Variants in RUNX1 observed in about 807,000 individuals in gnomAD.
RUNX1 encodes the protein runt-related transcription factor 1.
In RUNX1, 19 loss-of-function variants were observed where a neutral mutation model predicts 42.8. That is an observed-to-expected ratio of 0.44 (90% CI 0.31 to 0.65). The LOEUF (loss-of-function observed/expected upper bound fraction) is 0.65, where lower values mean the gene tolerates loss of function less well. Among genes scored for constraint, RUNX1 ranks in the 30% least tolerant of loss-of-function variants. The probability of loss-of-function intolerance (pLI) is 0.07; values close to 1 mark genes in which losing one functional copy is unlikely to be tolerated. For missense variants in RUNX1, 528 were observed against 672.0 expected (o/e 0.79, Z 2.37); for synonymous variants, 271 against 289.4 (o/e 0.94, Z 0.64).
In RUNX1 at chr21:34,836,873, C is replaced by A. The variant is rs560653206; in HGVS notation, c.614-2272G>T. Among the ~76,000 whole-genome samples, 4 of 152,328 alleles carry A rather than the reference C, an allele frequency of 2.6e-5. No individual in the cohort carries two copies. The East Asian group carries it at 5.8e-4, about 22-fold the overall frequency. ...CACAGCTTGGAAAAACAGCTCTTGG[C>A]AGTTGTGTCTCTCTTAGCCAGCAAG... is the stretch of plus-strand genomic sequence containing the variant. On this transcript the variant is annotated intron_variant, in intron 6 of 8. Coordinates refer to ENST00000675419, the MANE Select transcript of RUNX1 (RefSeq NM_001754.5).
At position 35,012,285 on chromosome 21, in the gene RUNX1, A is replaced by G. The variant is rs181590244; in HGVS notation, c.58+36557T>C. Among the ~76,000 whole-genome samples, 63 of 152,306 alleles carry G rather than the reference A, an allele frequency of 4.1e-4. 1 individual carries two copies. Among genetic ancestry groups the G allele is most frequent in the Admixed American group, 3.5e-3 (53 of 15,298 alleles). ...TGTTTATCAGGCCCAGCAGTCCAAAAGCCCAAATACCCACATGACCTCCTT... is the reference window on the plus strand; with the variant it reads ...TGTTTATCAGGCCCAGCAGTCCAAAGGCCCAAATACCCACATGACCTCCTT... On this transcript the variant is annotated intron_variant, in intron 2 of 8. Transcript: ENST00000675419.
At chr21:34,828,485 G>T (rs1356540006) in intron 7 of RUNX1, among the ~76,000 whole-genome samples, 4 of 152,200 alleles carry the variant, frequency 2.6e-5, no homozygotes, top group Non-Finnish European at 2.9e-5. Context: ...GTTAATGCTG[G>T]AAAGAGTTAA....
intron 2 of RUNX1, among the ~76,000 whole-genome samples, chr21:35,042,344 G>T (rs1372592239): frequency 6.6e-6 from 1 of 152,214 alleles, no homozygotes; most frequent in Non-Finnish European, 1.5e-5. Context: ...CCAAAGCCCA[G>T]CTGGCACAGA....
intron 7 of RUNX1, among the ~76,000 whole-genome samples, chr21:34,819,317 A>T (rs920286507): frequency 6.6e-6 from 1 of 152,212 alleles, no homozygotes; most frequent in African/African-American, 2.4e-5. Context: ...GAGTGTGGTC[A>T]TGACATGGCA....
rs2056407335 is a variant in RUNX1 at position 34,789,330 on chromosome 21, A to T, written c.*2805T>A. 1 of 223,034 alleles carries T rather than the reference A, an allele frequency of 4.5e-6. No homozygotes were observed. The highest frequency in any genetic ancestry group is 8.9e-6 in the Non-Finnish European group (1 of 111,866). The allele number at this position is 223,034 out of a possible 1,614,324, so 13.8% of individuals were successfully genotyped here. On this transcript the variant is annotated 3_prime_UTR_variant, in exon 9 of 9. Transcript: ENST00000675419. ...GAGGAAGAGAGAAAAAAAGGGAGATATTGGGGGGAAGAGAGGGAGGGAAAT... is the reference window on the plus strand; with the variant it reads ...GAGGAAGAGAGAAAAAAAGGGAGATTTTGGGGGGAAGAGAGGGAGGGAAAT...
chr21:34,872,441 C>T (rs886982372), intron 5 of RUNX1, among the ~76,000 whole-genome samples: 7 of 152,176 alleles, frequency 4.6e-5, no homozygotes, highest in Non-Finnish European at 7.3e-5. Flanking sequence ...GGGTCAGTGG[C>T]GCCAGGGGGA....
intron 3 of RUNX1, among the ~76,000 whole-genome samples, chr21:34,889,520 G>A (rs548658428): frequency 1.3e-5 from 2 of 152,226 alleles, no homozygotes; most frequent in South Asian, 4.1e-4. Context: ...AAAGTTGAAA[G>A]CAGCCACGCG....
intron 7 of RUNX1, among the ~76,000 whole-genome samples, chr21:34,809,240 CCTT>C (rs759457691): frequency 7.2e-5 from 11 of 151,994 alleles, no homozygotes; most frequent in East Asian, 3.9e-4. Context: ...TCCTCCATGT[CCTT>C]CTTCTCCAGG....
At chr21:34,846,972 A>T (rs1176831917) in intron 6 of RUNX1, among the ~76,000 whole-genome samples, 1 of 152,140 alleles carries the variant, frequency 6.6e-6, no homozygotes, top group Admixed American at 6.5e-5. Flanking sequence ...TCAGGGGTGT[A>T]ACATTTCACC....
At position 34,926,168 on chromosome 21, in the gene RUNX1, C is replaced by A. The variant is rs150310556; in HGVS notation, c.59-33205G>T. ...ATTAAAAGTATGTATTTTAAAAATACAAATGTGCTTAATATGAAAAGACAG... is the reference window on the plus strand; with the variant it reads ...ATTAAAAGTATGTATTTTAAAAATAAAAATGTGCTTAATATGAAAAGACAG... On this transcript the variant is annotated intron_variant, in intron 2 of 8. Transcript: ENST00000675419. Among the ~76,000 whole-genome samples, 191 of 151,854 alleles carry A rather than the reference C, an allele frequency of 1.3e-3. 2 individuals are homozygous for A. The East Asian group carries it at 0.034, about 27-fold the overall frequency.
At chr21:34,864,830 A>G (rs1171950468) in intron 5 of RUNX1, among the ~76,000 whole-genome samples, 1 of 152,206 alleles carries the variant, frequency 6.6e-6, no homozygotes, top group Non-Finnish European at 1.5e-5. Context: ...AGAACAAAAA[A>G]CAACAGGGCA....
Position 34,815,887 on chromosome 21 carries a change from G to A in RUNX1, c.806-16425C>T, listed in dbSNP as rs544647944. On this transcript the variant is annotated intron_variant, in intron 7 of 8. Coordinates refer to ENST00000675419, the MANE Select transcript of RUNX1 (RefSeq NM_001754.5). ...GAGTTTGGCCTCAGAGAGGGAATGGGAAAGGGCAGGGGGGCTCACTAGCTT... is the reference window on the plus strand; with the variant it reads ...GAGTTTGGCCTCAGAGAGGGAATGGAAAAGGGCAGGGGGGCTCACTAGCTT... 2.6e-5 allele frequency among the ~76,000 whole-genome samples: 4 copies of A among 152,302 alleles called. No homozygotes were observed. In the East Asian group the frequency reaches 7.7e-4, roughly 29 times the overall value.
chr21:34,874,630 A>AAAAAAAAC (rs1569074693), intron 5 of RUNX1, among the ~76,000 whole-genome samples: 1 of 147,838 alleles, frequency 6.8e-6, no homozygotes, highest in African/African-American at 2.5e-5. Context: ...AAAAAAAAAA[A>AAAAAAAAC]AAAAAGACAG....
intron 2 of RUNX1, among the ~76,000 whole-genome samples, chr21:35,006,006 C>T (rs1219414978): frequency 2.6e-5 from 4 of 152,204 alleles, no homozygotes; most frequent in Non-Finnish European, 5.9e-5. Flanking sequence ...AGCATCTCTC[C>T]AGGGTCTCTG....
intron 2 of RUNX1, among the ~76,000 whole-genome samples, chr21:35,004,761 C>A (rs2059071583): frequency 2.0e-5 from 3 of 152,198 alleles, no homozygotes; most frequent in Non-Finnish European, 2.9e-5. Flanking sequence ...TTCGGGCTCA[C>A]AAGAGAGGCA....
intron 2 of RUNX1, among the ~76,000 whole-genome samples, chr21:34,896,170 A>C (rs1265136372): frequency 6.6e-6 from 1 of 152,182 alleles, no homozygotes; most frequent in Non-Finnish European, 1.5e-5. Context: ...GAGAGGTTTC[A>C]TGTAGAAATA....
chr21:34,818,171 G>C (rs2056856818), intron 7 of RUNX1, among the ~76,000 whole-genome samples: 1 of 152,214 alleles, frequency 6.6e-6, no homozygotes, highest in Non-Finnish European at 1.5e-5. Context: ...TGGGGTGGGG[G>C]CTGCGCCCCT....
intron 2 of RUNX1, among the ~76,000 whole-genome samples, chr21:34,921,248 C>T (rs927550918): frequency 2.6e-5 from 4 of 152,178 alleles, no homozygotes; most frequent in African/African-American, 9.7e-5. Context: ...TTTTTGTCTT[C>T]CCAAATGAAA....
intron 6 of RUNX1, among the ~76,000 whole-genome samples, chr21:34,857,999 G>C (rs1480596062): frequency 2.0e-5 from 3 of 152,196 alleles, no homozygotes; most frequent in African/African-American, 7.2e-5. Context: ...GGGCCCTCTG[G>C]GGAAAAATGC....
Sources: gnomAD v4.1 joint callset for allele counts (sites outside exome capture counted in the v4.1 genomes callset) on GRCh38, gnomAD v4.1.1 for gene constraint, MANE v1.5 for transcripts, NCBI Gene and HGNC (gene_info 2026-07-23, HGNC 2026-07-21) for gene names.